The following SPATA17 variants were observed in gnomAD, a reference collection of about 807,000 sequenced individuals.
The protein encoded by SPATA17 is spermatogenesis associated 17, also known as spermatogenesis-associated protein 17.
A neutral mutation model predicts 62.2 loss-of-function variants in SPATA17; 53 were observed. The observed-to-expected ratio is 0.85, with a 90% CI of 0.68 to 1.07. The LOEUF (loss-of-function observed/expected upper bound fraction) is 1.07, where lower values mean the gene tolerates loss of function less well. SPATA17 is among the 50% of genes least tolerant of loss of function. The probability of loss-of-function intolerance (pLI) is 0.00; values close to 1 mark genes in which losing one functional copy is unlikely to be tolerated. For synonymous variants in SPATA17, 146 were observed against 146.8 expected, an observed-to-expected ratio of 0.99 and a Z score of 0.04; for missense variants, 466 against 425.5, an observed-to-expected ratio of 1.10 and a Z score of -0.84.
chr1:217,713,403 T>G (rs989714595), intron 5 of SPATA17, among the ~76,000 whole-genome samples: 2 of 151,598 alleles, frequency 1.3e-5, no homozygotes, highest in African/African-American at 2.4e-5. Context: ...CAGATGTTGT[T>G]GACTGATAGG....
At chr1:217,803,280 A>C (rs901692150) in intron 9 of SPATA17, among the ~76,000 whole-genome samples, 7 of 152,330 alleles carry the variant, frequency 4.6e-5, no homozygotes, top group Non-Finnish European at 8.8e-5. Context: ...GTTAGGCAAG[A>C]GAAAGAAAGA....
At chr1:217,664,902 A>T (rs1040450130) in intron 3 of SPATA17, among the ~76,000 whole-genome samples, 1 of 152,156 alleles carries the variant, frequency 6.6e-6, no homozygotes, top group Non-Finnish European at 1.5e-5. Context: ...CTTATAAGGA[A>T]AACAGGGGAG....
chr1:217,831,054 A>G (rs1434096504), intron 9 of SPATA17, among the ~76,000 whole-genome samples: 10 of 152,154 alleles, frequency 6.6e-5, no homozygotes, highest in Admixed American at 6.6e-4. Context: ...GGGTTTGCTC[A>G]TAACAATTGG....
intron 9 of SPATA17, among the ~76,000 whole-genome samples, chr1:217,835,408 C>T (rs1675237660): frequency 1.3e-5 from 2 of 152,112 alleles, no homozygotes; most frequent in Admixed American, 1.3e-4. Context: ...TCATTTTGCA[C>T]TTTAGCCTAC....
chr1:217,758,230 A>G (rs886692264), intron 6 of SPATA17, among the ~76,000 whole-genome samples: 1 of 152,186 alleles, frequency 6.6e-6, no homozygotes, highest in Non-Finnish European at 1.5e-5. Flanking sequence ...CCAATTATCA[A>G]TGAGACACAA....
intron 9 of SPATA17, among the ~76,000 whole-genome samples, chr1:217,846,878 A>G (rs536507630): frequency 4.3e-4 from 65 of 152,176 alleles, no homozygotes; most frequent in African/African-American, 1.6e-3. Context: ...TATAACATAA[A>G]TTATTTAGTT....
intron 6 of SPATA17, among the ~76,000 whole-genome samples, chr1:217,771,071 C>T (rs1673433883): frequency 7.3e-6 from 1 of 137,750 alleles, no homozygotes; most frequent in Non-Finnish European, 1.5e-5. Flanking sequence ...CCTCATTTGC[C>T]ACATTCACCA....
intron 8 of SPATA17, among the ~76,000 whole-genome samples, chr1:217,786,762 CTTCTTCTTCTTCTTCTTCT>C (rs1558050808): frequency 1.4e-5 from 2 of 145,524 alleles, no homozygotes; most frequent in African/African-American, 5.1e-5. Context: ...TCTTCTTCTT[CTTCTTCTTCTTCTTCTTCT>C]TCTTCTTCTT....
At chr1:217,646,634 C>T (rs1047877489) in intron 1 of SPATA17, among the ~76,000 whole-genome samples, 32 of 152,002 alleles carry the variant, frequency 2.1e-4, no homozygotes, top group Non-Finnish European at 3.4e-4. Flanking sequence ...CGGTGGCTCA[C>T]AACTGTAATC....
chr1:217,807,110 G>A (rs1406814673), intron 9 of SPATA17, among the ~76,000 whole-genome samples: 1 of 152,106 alleles, frequency 6.6e-6, no homozygotes, highest in Non-Finnish European at 1.5e-5. Context: ...CAGCAACATG[G>A]ATGCAGCTGG....
chr1:217,673,640 A>G (rs1558560633), intron 4 of SPATA17, among the ~76,000 whole-genome samples: 1 of 152,118 alleles, frequency 6.6e-6, no homozygotes, highest in Non-Finnish European at 1.5e-5. Flanking sequence ...TCTGCCATCT[A>G]GATGTACAAC....
intron 9 of SPATA17, among the ~76,000 whole-genome samples, chr1:217,834,265 T>A (rs1300655003): frequency 6.6e-6 from 1 of 152,178 alleles, no homozygotes; most frequent in Non-Finnish European, 1.5e-5. Flanking sequence ...ATGACTATGT[T>A]ATTGGGTTAC....
At chr1:217,816,953 T>C (rs1267793103) in intron 9 of SPATA17, among the ~76,000 whole-genome samples, 1 of 152,094 alleles carries the variant, frequency 6.6e-6, no homozygotes, top group Non-Finnish European at 1.5e-5. Flanking sequence ...ATGTATCTAG[T>C]TTTCTCATAA....
At chr1:217,673,733 A>G (rs1233067396) in intron 4 of SPATA17, among the ~76,000 whole-genome samples, 1 of 152,060 alleles carries the variant, frequency 6.6e-6, no homozygotes, top group East Asian at 1.9e-4. Context: ...TAGCCCTCCA[A>G]ATACTGGGCT....
intron 9 of SPATA17, chr1:217,850,569 G>T (rs1435084833): frequency 1.9e-6 from 3 of 1,595,456 alleles, no homozygotes; most frequent in Non-Finnish European, 2.6e-6. Flanking sequence ...ATTTTCGATG[G>T]TGTCACTGGG....
chr1:217,730,235 T>G (rs1672373054), intron 5 of SPATA17, among the ~76,000 whole-genome samples: 1 of 151,606 alleles, frequency 6.6e-6, no homozygotes, highest in South Asian at 2.1e-4. Flanking sequence ...TTTTTTTTTT[T>G]GAGATGGAGT....
chr1:217,657,615 T>C (rs766488968), intron 3 of SPATA17, among the ~76,000 whole-genome samples: 5 of 152,322 alleles, frequency 3.3e-5, no homozygotes, highest in South Asian at 2.1e-4. Context: ...ATTTTTTTGA[T>C]CTTACAGTTA....
At chr1:217,831,469 T>C (rs1263844110) in intron 9 of SPATA17, among the ~76,000 whole-genome samples, 1 of 152,136 alleles carries the variant, frequency 6.6e-6, no homozygotes, top group Non-Finnish European at 1.5e-5. Context: ...TAGGGAAGCA[T>C]ACTCATTTTC....
At chr1:217,839,500 T>C (rs965355622) in intron 9 of SPATA17, among the ~76,000 whole-genome samples, 6 of 152,126 alleles carry the variant, frequency 3.9e-5, no homozygotes, top group African/African-American at 1.4e-4. Flanking sequence ...GTTTCTGTAA[T>C]TGGTTTTTTC....
Sources: allele counts gnomAD v4.1 joint callset (sites outside exome capture counted in the v4.1 genomes callset), GRCh38; gene constraint gnomAD v4.1.1; transcripts MANE v1.5; gene names NCBI Gene and HGNC (gene_info 2026-07-23, HGNC 2026-07-21).